CPS1: variants seen among roughly 807,000 people sequenced by gnomAD.
CPS1 encodes carbamoyl-phosphate synthase 1.
A neutral mutation model predicts 174.6 loss-of-function variants in CPS1; 109 were observed. The ratio of observed to expected loss-of-function variants is 0.62; its 90% CI spans 0.53 to 0.73. The LOEUF is 0.73. CPS1 is among the 30% of genes least tolerant of loss of function. The probability of loss-of-function intolerance (pLI) is 0.00; values close to 1 mark genes in which losing one functional copy is unlikely to be tolerated. For synonymous variants in CPS1, 637 were observed against 632.0 expected (o/e 1.01, Z -0.12); for missense variants, 1,689 against 1,821.9 (o/e 0.93, Z 1.33).
At chr2:210,638,040 A>G (rs1456177216) in intron 22 of CPS1, among the ~76,000 whole-genome samples, 197 bp downstream of exon 22, 1 of 152,238 alleles carries the variant, frequency 6.6e-6, no homozygotes, top group African/African-American at 2.4e-5. Context: ...GAAAGAAGGA[A>G]AGGACACTAG....
At chr2:210,602,130 A>T (rs113250517) in intron 15 of CPS1, 72 bp from the exon 16 acceptor site, 12 of 1,589,042 alleles carry the variant, frequency 7.6e-6, no homozygotes, top group African/African-American at 1.3e-5. Flanking sequence ...TGATTGCCAG[A>T]CTCTCTTGGT....
intron 1 of CPS1, among the ~76,000 whole-genome samples, chr2:210,534,559 G>A (rs1696199053): frequency 6.6e-6 from 1 of 152,136 alleles, no homozygotes; most frequent in Non-Finnish European, 1.5e-5. Flanking sequence ...GAAGGAATAA[G>A]CAGTAAATTT....
intron 21 of CPS1, among the ~76,000 whole-genome samples, chr2:210,636,303 C>A (rs2105893844): frequency 6.6e-6 from 1 of 151,792 alleles, no homozygotes; most frequent in East Asian, 1.9e-4. Context: ...TCAATCACTT[C>A]TTTGTCTTTT....
intron 1 of CPS1, among the ~76,000 whole-genome samples, chr2:210,525,726 G>A (rs1695954211): frequency 3.3e-5 from 5 of 151,454 alleles, no homozygotes; most frequent in Admixed American, 2.6e-4. Flanking sequence ...AGGATAGCTG[G>A]GCTGAGCCTT....
chr2:210,597,011 G>A (rs1031934212), intron 13 of CPS1, among the ~76,000 whole-genome samples: 1 of 151,776 alleles, frequency 6.6e-6, no homozygotes, highest in African/African-American at 2.4e-5. Flanking sequence ...TTGCAATAAG[G>A]TTTAAAATAA....
chr2:210,530,971 G>T (rs1211398843), intron 1 of CPS1, among the ~76,000 whole-genome samples: 1 of 151,936 alleles, frequency 6.6e-6, no homozygotes, highest in Non-Finnish European at 1.5e-5. Flanking sequence ...AAATGTTCAT[G>T]AGAAAGAAAA....
intron 1 of CPS1, among the ~76,000 whole-genome samples, chr2:210,559,927 TA>T (rs997020086): frequency 1.3e-4 from 19 of 151,750 alleles, no homozygotes; most frequent in South Asian, 4.2e-4. Flanking sequence ...ACTGGATATT[TA>T]AAAAAAAATT....
intron 21 of CPS1, among the ~76,000 whole-genome samples, chr2:210,634,109 C>T (rs1267159768): frequency 1.3e-5 from 2 of 152,174 alleles, no homozygotes; most frequent in East Asian, 1.9e-4. Context: ...GGAAACATAC[C>T]TTTCTAAAAC....
intron 1 of CPS1, among the ~76,000 whole-genome samples, chr2:210,540,126 T>C (rs1696359429): frequency 6.6e-6 from 1 of 152,146 alleles, no homozygotes; most frequent in African/African-American, 2.4e-5. Flanking sequence ...TTATGATAAG[T>C]TAAAGCAGTT....
At chr2:210,504,959 A>G (rs1695238022) in intron 1 of CPS1, among the ~76,000 whole-genome samples, 1 of 152,000 alleles carries the variant, frequency 6.6e-6, no homozygotes, top group South Asian at 2.1e-4. Flanking sequence ...TTAAAAGTAA[A>G]TAGGAATAGG....
intron 20 of CPS1, among the ~76,000 whole-genome samples, chr2:210,614,880 G>C (rs561049310): frequency 6.6e-6 from 1 of 151,366 alleles, no homozygotes; most frequent in Non-Finnish European, 1.5e-5. Flanking sequence ...ACCGGGGCCT[G>C]TCGGGGGGTG....
In CPS1 at chr2:210,576,426, C is replaced by T. The variant is rs765026487; in HGVS notation, c.317C>T (p.Ala106Val). ...AACCCTATTATTGGGAATGGTGGAG[C>T]TCCTGATACTACTGCTCTGGATGAA... ...MANPIIGNGGAPDTTALDELG... is the reference protein window; with the variant it reads ...MANPIIGNGGVPDTTALDELG... Residue 106 changes from alanine to valine, a missense_variant, in exon 3 of 38, where the codon GCT (alanine) becomes GTT (valine). By Grantham distance (64) the Ala-to-Val change is moderately conservative (BLOSUM62 0). Transcript: ENST00000233072. 10 of 1,613,728 alleles carry T rather than the reference C, an allele frequency of 6.2e-6. No individual in the cohort carries two copies. Among genetic ancestry groups the T allele is most frequent in the African/African-American group, 1.3e-5 (1 of 75,022 alleles).
At chr2:210,554,440 G>A (rs1048927147), upstream of CPS1, among the ~76,000 whole-genome samples, 10 of 151,686 alleles carry the variant, frequency 6.6e-5, no homozygotes, top group African/African-American at 2.4e-4. Context: ...GGAAAAACAT[G>A]TTTAATTCAT....
At chr2:210,586,140 T>C (rs1185846321) in intron 6 of CPS1, among the ~76,000 whole-genome samples, 2 of 151,872 alleles carry the variant, frequency 1.3e-5, no homozygotes, top group African/African-American at 4.8e-5. Context: ...TCCTGTCACG[T>C]GAAAATGAGA....
In CPS1 at chr2:210,677,868, C is replaced by T; in HGVS notation, c.4405-19C>T. 1 of 1,582,864 alleles carries T rather than the reference C, an allele frequency of 6.3e-7. No individual in the cohort carries two copies. Among genetic ancestry groups the T allele is most frequent in the Non-Finnish European group, 8.7e-7 (1 of 1,151,656 alleles). On this transcript the variant is annotated intron_variant, in intron 37 of 37. Coordinates refer to ENST00000233072, the MANE Select transcript of CPS1 (RefSeq NM_001875.5). ...TTTTATCTCATGGAGGGTGCTGATT[C>T]CTACCATTATATTTTCAGGTGACCA... is the stretch of plus-strand genomic sequence containing the variant.
intron 36 of CPS1, 117 bp from the exon 37 acceptor site, chr2:210,676,890 G>A: frequency 1.1e-6 from 1 of 875,442 alleles, no homozygotes. Context: ...AGGGCAGATG[G>A]CAGTCAACTC....
intron 21 of CPS1, among the ~76,000 whole-genome samples, chr2:210,620,107 A>C (rs1172822117): frequency 6.6e-6 from 1 of 152,160 alleles, no homozygotes; most frequent in Non-Finnish European, 1.5e-5. Context: ...TATAAAAACA[A>C]GAACATAGTT....
At chr2:210,574,875 G>GT (rs10715074) in intron 2 of CPS1, among the ~76,000 whole-genome samples, 2 of 151,546 alleles carry the variant, frequency 1.3e-5, no homozygotes, top group African/African-American at 2.4e-5. Flanking sequence ...ATTAATTAAA[G>GT]TTTTTTTTTG....
intron 33 of CPS1, 103 bp downstream of exon 33, chr2:210,663,300 A>G (rs926631188): frequency 6.3e-6 from 7 of 1,116,548 alleles, no homozygotes; most frequent in Non-Finnish European, 9.3e-6. Flanking sequence ...AACATCTGCT[A>G]TCAGAGTAAG....
Sources: allele counts gnomAD v4.1 joint callset (sites outside exome capture counted in the v4.1 genomes callset), GRCh38; gene constraint gnomAD v4.1.1; transcripts MANE v1.5; gene names NCBI Gene and HGNC (gene_info 2026-07-23, HGNC 2026-07-21).